UBE2E2: variants seen among roughly 807,000 people sequenced by gnomAD.
UBE2E2 encodes ubiquitin-conjugating enzyme E2 E2.
UBE2E2 carries 6 observed loss-of-function variants against 24.7 expected under a neutral mutation model. The observed-to-expected ratio is 0.24, with a 90% CI of 0.13 to 0.48. UBE2E2 has a LOEUF of 0.48. Among genes scored for constraint, UBE2E2 ranks in the 20% least tolerant of loss-of-function variants. The probability of loss-of-function intolerance (pLI) is 0.99; values close to 1 mark genes in which losing one functional copy is unlikely to be tolerated. For synonymous variants in UBE2E2, 104 were observed against 83.6 expected, an observed-to-expected ratio of 1.24 and a Z score of -1.33; for missense variants, 169 against 245.0, an observed-to-expected ratio of 0.69 and a Z score of 2.07.
chr3:23,381,770 A>T (rs566326722), intron 3 of UBE2E2, among the ~76,000 whole-genome samples: 1 of 152,218 alleles, frequency 6.6e-6, no homozygotes, highest in East Asian at 1.9e-4. Flanking sequence ...AATTTTATCT[A>T]TGTTGACTTA....
chr3:23,237,534 C>T (rs1326558142), intron 3 of UBE2E2, among the ~76,000 whole-genome samples: 8 of 152,078 alleles, frequency 5.3e-5, no homozygotes, highest in Non-Finnish European at 1.2e-4. Flanking sequence ...AGGAAGATGA[C>T]TAGAAAATTC....
At chr3:23,379,568 A>G (rs1042117461) in intron 3 of UBE2E2, among the ~76,000 whole-genome samples, 1 of 151,320 alleles carries the variant, frequency 6.6e-6, no homozygotes, top group African/African-American at 2.4e-5. Flanking sequence ...TACAAAGGAC[A>G]TGAACTCATC....
intron 3 of UBE2E2, among the ~76,000 whole-genome samples, chr3:23,403,538 G>A (rs143442645): frequency 7.2e-5 from 11 of 152,224 alleles, no homozygotes; most frequent in Middle Eastern, 3.4e-3. Context: ...GTCATTGTAG[G>A]GGCTGGGCAC....
intron 3 of UBE2E2, among the ~76,000 whole-genome samples, chr3:23,251,005 A>G (rs138315736): frequency 6.6e-6 from 1 of 152,096 alleles, no homozygotes; most frequent in Admixed American, 6.5e-5. Flanking sequence ...CTACAGGTGC[A>G]TGCCATCATG....
intron 4 of UBE2E2, among the ~76,000 whole-genome samples, chr3:23,509,658 A>C (rs1014229836): frequency 6.6e-6 from 1 of 151,886 alleles, no homozygotes; most frequent in Non-Finnish European, 1.5e-5. Context: ...TACATGTGCC[A>C]TGTTGGCGTG....
At chr3:23,233,352 T>C (rs1188138967) in intron 3 of UBE2E2, among the ~76,000 whole-genome samples, 1 of 152,184 alleles carries the variant, frequency 6.6e-6, no homozygotes, top group Non-Finnish European at 1.5e-5. Flanking sequence ...ATAAATGATA[T>C]TAAACAGTGT....
At chr3:23,565,347 T>C (rs1696044731) in intron 5 of UBE2E2, among the ~76,000 whole-genome samples, 1 of 152,040 alleles carries the variant, frequency 6.6e-6, no homozygotes, top group African/African-American at 2.4e-5. Flanking sequence ...CTGTGCAGTC[T>C]TTTAGAGAGA....
At chr3:23,585,489 T>G (rs1465016871) in intron 5 of UBE2E2, among the ~76,000 whole-genome samples, 1 of 152,088 alleles carries the variant, frequency 6.6e-6, no homozygotes, top group Non-Finnish European at 1.5e-5. Context: ...ACACTGTAGA[T>G]CCTATACTTC....
intron 4 of UBE2E2, among the ~76,000 whole-genome samples, chr3:23,501,963 G>T (rs970553864): frequency 1.3e-5 from 2 of 152,082 alleles, no homozygotes; most frequent in Admixed American, 1.3e-4. Context: ...ATGCACATTT[G>T]ATAGGTATCT....
intron 3 of UBE2E2, among the ~76,000 whole-genome samples, chr3:23,469,691 C>A (rs191426012): frequency 3.3e-5 from 5 of 152,282 alleles, no homozygotes; most frequent in Non-Finnish European, 7.4e-5. Flanking sequence ...GGTTTGACTT[C>A]TCCTTAATAT....
chr3:23,390,998 A>C (rs1696921080), intron 3 of UBE2E2, among the ~76,000 whole-genome samples: 1 of 152,244 alleles, frequency 6.6e-6, no homozygotes. Flanking sequence ...TATAACAACT[A>C]ATACTTCTTC....
chr3:23,329,426 G>A (rs1695002010), intron 3 of UBE2E2, among the ~76,000 whole-genome samples: 1 of 152,218 alleles, frequency 6.6e-6, no homozygotes, highest in South Asian at 2.1e-4. Context: ...TTTTGCCGAA[G>A]TATCAAGACA....
At chr3:23,329,349 T>C (rs1694999679) in intron 3 of UBE2E2, among the ~76,000 whole-genome samples, 1 of 152,210 alleles carries the variant, frequency 6.6e-6, no homozygotes, top group Non-Finnish European at 1.5e-5. Flanking sequence ...TAAAATTATA[T>C]ATAATTTTCG....
intron 3 of UBE2E2, among the ~76,000 whole-genome samples, chr3:23,261,385 T>C (rs1242638047): frequency 3.9e-5 from 6 of 152,188 alleles, no homozygotes; most frequent in Admixed American, 3.3e-4. Context: ...ATTTGATACA[T>C]GTTTATATTG....
intron 3 of UBE2E2, among the ~76,000 whole-genome samples, chr3:23,379,224 GTATT>G (rs1485201757): frequency 2.7e-5 from 4 of 147,796 alleles, no homozygotes; most frequent in South Asian, 2.1e-4. Flanking sequence ...TCAAGATTAT[GTATT>G]TATTTATTTT....
chr3:23,328,099 T>C (rs1380036317), intron 3 of UBE2E2, among the ~76,000 whole-genome samples: 1 of 152,186 alleles, frequency 6.6e-6, no homozygotes, highest in Non-Finnish European at 1.5e-5. Context: ...TGTTTTCTTT[T>C]TTTGTGATCT....
intron 5 of UBE2E2, among the ~76,000 whole-genome samples, chr3:23,535,432 A>G (rs1189185421): frequency 6.6e-6 from 1 of 152,128 alleles, no homozygotes; most frequent in South Asian, 2.1e-4. Context: ...TTACAATCGA[A>G]AAAAGCTGAA....
chr3:23,511,392 C>T (rs1314128844), intron 4 of UBE2E2, among the ~76,000 whole-genome samples: 1 of 152,226 alleles, frequency 6.6e-6, no homozygotes, highest in Non-Finnish European at 1.5e-5. Context: ...TCTCTGGTTT[C>T]TGATCTGAAT....
At chr3:23,379,710 G>A (rs1696618132) in intron 3 of UBE2E2, among the ~76,000 whole-genome samples, 2 of 152,052 alleles carry the variant, frequency 1.3e-5, no homozygotes, top group African/African-American at 4.8e-5. Flanking sequence ...CTCGGACATG[G>A]TACTAAGACA....
Sources: gnomAD v4.1 joint callset for allele counts (sites outside exome capture counted in the v4.1 genomes callset) on GRCh38, gnomAD v4.1.1 for gene constraint, MANE v1.5 for transcripts, NCBI Gene and HGNC (gene_info 2026-07-23, HGNC 2026-07-21) for gene names.